Variants in CORO1C observed in about 807,000 individuals in gnomAD.
The protein encoded by CORO1C is coronin-1C.
Under a neutral mutation model 51.2 loss-of-function variants are expected in CORO1C, and 14 were observed. The ratio of observed to expected loss-of-function variants is 0.27; its 90% CI spans 0.18 to 0.43. CORO1C has a LOEUF of 0.43. CORO1C is among the 20% of genes least tolerant of loss of function. The pLI is 1.00. For synonymous variants in CORO1C, 181 were observed against 210.5 expected, an observed-to-expected ratio of 0.86 and a Z score of 1.21; for missense variants, 417 against 607.8, an observed-to-expected ratio of 0.69 and a Z score of 3.30.
intron 1 of CORO1C, among the ~76,000 whole-genome samples, chr12:108,727,033 G>A (rs760372830): frequency 9.8e-5 from 15 of 152,324 alleles, no homozygotes; most frequent in Middle Eastern, 3.4e-3. Context: ...GATAATCAGA[G>A]AAACCCACTG....
chr12:108,726,771 C>T (rs148023136), intron 1 of CORO1C, among the ~76,000 whole-genome samples: 2 of 152,194 alleles, frequency 1.3e-5, no homozygotes, highest in South Asian at 2.1e-4. Flanking sequence ...CTATCAGGGT[C>T]GGCCTGTATG....
intron 1 of CORO1C, among the ~76,000 whole-genome samples, chr12:108,716,063 G>A (rs1366793789): frequency 1.4e-5 from 2 of 144,078 alleles, no homozygotes; most frequent in East Asian, 2.1e-4. Flanking sequence ...CCCGGAAGTC[G>A]GAGGTTGCAG....
At chr12:108,694,990 T>C (rs2034626522) in intron 2 of CORO1C, among the ~76,000 whole-genome samples, 1 of 152,204 alleles carries the variant, frequency 6.6e-6, no homozygotes, top group African/African-American at 2.4e-5. Flanking sequence ...ACAATAAACA[T>C]TTATTACTCA....
intron 1 of CORO1C, among the ~76,000 whole-genome samples, chr12:108,711,945 C>T (rs2035193009): frequency 6.6e-6 from 1 of 152,130 alleles, no homozygotes; most frequent in South Asian, 2.1e-4. Flanking sequence ...AAAGGAAACA[C>T]ATCCTGCTAG....
At chr12:108,650,295 C>T (rs1474487055) in intron 8 of CORO1C, among the ~76,000 whole-genome samples, 4 of 146,934 alleles carry the variant, frequency 2.7e-5, no homozygotes, top group African/African-American at 1.0e-4. Context: ...GCCAAATCCT[C>T]AGCCTCTGGA....
At position 108,705,244 on chromosome 12, in the gene CORO1C, C is replaced by T. The variant is rs569041852; in HGVS notation, c.-5-3921G>A. On this transcript the variant is annotated intron_variant, in intron 1 of 10. Transcript: ENST00000261401. ...CTGTAATCCCCACACTTTGGGAGGC[C>T]GAGGAAGGCAGATCACTTGAAGTCA... Among the ~76,000 whole-genome samples the T allele has an allele frequency of 4.0e-5, 6 of 151,640 alleles. No homozygotes were observed. The South Asian group carries it at 1.3e-3, about 32-fold the overall frequency.
intron 1 of CORO1C, among the ~76,000 whole-genome samples, chr12:108,715,588 C>T (rs533744106): frequency 6.6e-6 from 1 of 151,914 alleles, no homozygotes; most frequent in Non-Finnish European, 1.5e-5. Context: ...GCTGAAGAAA[C>T]GTCCCTTGGG....
Position 108,658,627 on chromosome 12 carries a change from C to A in CORO1C, c.630+111G>T. The A allele has an allele frequency of 1.0e-6, 1 of 984,098 alleles. No individual in the cohort carries two copies. The allele number at this position is 984,098 out of a possible 1,614,324, so 61.0% of individuals were successfully genotyped here. ...GCCTTCTCTTATTCACAGTTGGTGT[C>A]TACACACAACAGGGTCCCACTGACC... On this transcript the variant is annotated intron_variant, in intron 5 of 10. Transcript: ENST00000261401. The surrounding 1 kb of genome is among the most constrained non-coding windows in gnomAD (Gnocchi z 4.9).
At chr12:108,700,835 A>T in intron 2 of CORO1C, 1 of 281,108 alleles carries the variant, frequency 3.6e-6, no homozygotes, top group Non-Finnish European at 6.6e-6. Context: ...AAAGCAGATG[A>T]TTAAGAATGA....
chr12:108,657,191 G>A, intron 6 of CORO1C, 113 bp downstream of exon 6: 2 of 1,371,656 alleles, frequency 1.5e-6, no homozygotes, highest in Non-Finnish European at 2.0e-6. Context: ...AGACAATCAG[G>A]CGTTTAGAAA....
chr12:108,661,910 GTTT>G, intron 4 of CORO1C, 116 bp downstream of exon 4: 10 of 1,127,074 alleles, frequency 8.9e-6, no homozygotes, highest in Non-Finnish European at 1.3e-5. Flanking sequence ...CTTCACCATG[GTTT>G]CCTAATAATC....
intron 3 of CORO1C, among the ~76,000 whole-genome samples, chr12:108,666,052 C>T (rs1334717243): frequency 6.6e-6 from 1 of 152,252 alleles, no homozygotes; most frequent in African/African-American, 2.4e-5. Context: ...AAATTAGCTT[C>T]CTGCTAACCA....
chr12:108,698,205 C>T (rs1488372455), intron 2 of CORO1C, among the ~76,000 whole-genome samples: 2 of 152,180 alleles, frequency 1.3e-5, no homozygotes, highest in African/African-American at 4.8e-5. Context: ...CTCAGCTTTG[C>T]CTTAGTGAAA....
intron 10 of CORO1C, among the ~76,000 whole-genome samples, chr12:108,647,857 C>T (rs906886019): frequency 2.6e-5 from 4 of 152,222 alleles, no homozygotes; most frequent in Non-Finnish European, 4.4e-5. Flanking sequence ...CAGTGTCCTA[C>T]GTCCTAACCA....
At chr12:108,673,794 G>A (rs1215528583) in intron 3 of CORO1C, among the ~76,000 whole-genome samples, 5 of 151,782 alleles carry the variant, frequency 3.3e-5, no homozygotes, top group Non-Finnish European at 7.4e-5. Context: ...TGAGTTAATG[G>A]GTGCAGCACA....
At chr12:108,681,473 G>C (rs573361979) in intron 2 of CORO1C, among the ~76,000 whole-genome samples, 21 of 152,266 alleles carry the variant, frequency 1.4e-4, no homozygotes, top group African/African-American at 5.1e-4. Context: ...AGAAAGGACA[G>C]ATTACCTACT....
intron 2 of CORO1C, 165 bp downstream of exon 2, chr12:108,700,959 A>T (rs775589452): frequency 2.7e-6 from 2 of 747,698 alleles, no homozygotes; most frequent in Non-Finnish European, 4.5e-6. Flanking sequence ...ATTCTCTGTT[A>T]GAGAAAAACT....
At chr12:108,689,056 C>G (rs185396759) in intron 2 of CORO1C, among the ~76,000 whole-genome samples, 1 of 148,728 alleles carries the variant, frequency 6.7e-6, no homozygotes, top group Admixed American at 6.7e-5. Flanking sequence ...AAAAATTAGC[C>G]GGGCATGGTG....
At chr12:108,679,126 A>G (rs1158524436) in intron 2 of CORO1C, among the ~76,000 whole-genome samples, 44 of 148,214 alleles carry the variant, frequency 3.0e-4, no homozygotes, top group East Asian at 9.7e-4. Context: ...AAAAAAAAAA[A>G]AAAGAAACAA....
Sources: allele counts gnomAD v4.1 joint callset (sites outside exome capture counted in the v4.1 genomes callset), GRCh38; gene constraint gnomAD v4.1.1; non-coding constraint Gnocchi (gnomAD v3.1); transcripts MANE v1.5; gene names NCBI Gene and HGNC (gene_info 2026-07-23, HGNC 2026-07-21).